Variants in SPOPL observed in about 807,000 individuals in gnomAD.
SPOPL encodes speckle type BTB/POZ protein like.
SPOPL carries 23 observed loss-of-function variants against 53.8 expected under a neutral mutation model. The observed-to-expected ratio is 0.43, with a 90% CI of 0.31 to 0.61. SPOPL has a LOEUF of 0.61. Among genes scored for constraint, SPOPL ranks in the 20% least tolerant of loss-of-function variants. The pLI is 0.12. For synonymous variants in SPOPL, 164 were observed against 149.7 expected, an observed-to-expected ratio of 1.10 and a Z score of -0.70; for missense variants, 442 against 466.9, an observed-to-expected ratio of 0.95 and a Z score of 0.49.
At chr2:138,515,633 T>C (rs1459474351) in intron 1 of SPOPL, among the ~76,000 whole-genome samples, 2 of 152,230 alleles carry the variant, frequency 1.3e-5, no homozygotes, top group African/African-American at 4.8e-5. Context: ...AGTGTTAAGA[T>C]TGTAATTCTT....
intron 5 of SPOPL, among the ~76,000 whole-genome samples, chr2:138,558,358 G>A (rs184962199): frequency 1.3e-5 from 2 of 151,990 alleles, no homozygotes; most frequent in African/African-American, 2.4e-5. Flanking sequence ...TCTGCAAATC[G>A]AACTAAATTA....
intron 8 of SPOPL, among the ~76,000 whole-genome samples, chr2:138,563,198 TCAAG>T (rs1188847207): frequency 6.6e-6 from 1 of 152,128 alleles, no homozygotes; most frequent in Non-Finnish European, 1.5e-5. Flanking sequence ...GATATTCTAG[TCAAG>T]CATGGTGGCT....
chr2:138,536,706 C>A (rs1262350222), intron 1 of SPOPL, among the ~76,000 whole-genome samples: 1 of 152,036 alleles, frequency 6.6e-6, no homozygotes, highest in East Asian at 1.9e-4. Flanking sequence ...TCCATTGATT[C>A]CTCCAGTCTC....
chr2:138,533,615 T>C (rs1209459227), intron 1 of SPOPL, among the ~76,000 whole-genome samples: 1 of 152,136 alleles, frequency 6.6e-6, no homozygotes, highest in Non-Finnish European at 1.5e-5. Context: ...TTATCACCTT[T>C]ATAAACACTT....
At chr2:138,564,686 G>T in intron 8 of SPOPL, 22 bp from the exon 9 acceptor site, 1 of 1,613,026 alleles carries the variant, frequency 6.2e-7, no homozygotes, top group Non-Finnish European at 8.5e-7. Flanking sequence ...ATGTTTAATG[G>T]TTATGTTTTC....
intron 1 of SPOPL, among the ~76,000 whole-genome samples, chr2:138,541,762 T>G (rs1483040857): frequency 6.6e-6 from 1 of 152,224 alleles, no homozygotes; most frequent in Non-Finnish European, 1.5e-5. Context: ...TCTTAGATAT[T>G]TCTTGCCTTC....
intron 1 of SPOPL, among the ~76,000 whole-genome samples, chr2:138,548,616 T>C (rs1413813678): frequency 6.6e-6 from 1 of 152,138 alleles, no homozygotes; most frequent in East Asian, 1.9e-4. Context: ...TTTCTAATTA[T>C]AAGTTTCTTT....
intron 5 of SPOPL, 119 bp from the exon 6 acceptor site, chr2:138,558,903 A>G: frequency 1.4e-6 from 1 of 690,622 alleles, no homozygotes; most frequent in Non-Finnish European, 2.1e-6. Context: ...AGAAATTTTG[A>G]TTAGGAGTAC....
chr2:138,510,016 G>A (rs963982407), intron 1 of SPOPL, among the ~76,000 whole-genome samples: 1 of 152,038 alleles, frequency 6.6e-6, no homozygotes, highest in African/African-American at 2.4e-5. Flanking sequence ...TTAGTATTAT[G>A]CATTTTAAGT....
At chr2:138,564,197 A>T (rs922634323) in intron 8 of SPOPL, among the ~76,000 whole-genome samples, 1 of 152,228 alleles carries the variant, frequency 6.6e-6, no homozygotes, top group Admixed American at 6.5e-5. Context: ...TGGCTGTATA[A>T]ACTTAGCAGA....
In SPOPL at chr2:138,571,022, A is replaced by G. The variant is rs1685769068; in HGVS notation, c.*1942A>G. The G allele has an allele frequency of 1.3e-5, 2 of 152,166 alleles. No individual in the cohort carries two copies. The highest frequency in any genetic ancestry group is 4.1e-4 in the South Asian group (2 of 4,836). The allele number at this position is 152,166 out of a possible 1,614,324, so 9.4% of individuals were successfully genotyped here. ...TTCATACTTCATCCTGTGTAAGAGTATTATGGGAAGTAGAAATTCACTTCC... is the reference window on the plus strand; with the variant it reads ...TTCATACTTCATCCTGTGTAAGAGTGTTATGGGAAGTAGAAATTCACTTCC... On this transcript the variant is annotated 3_prime_UTR_variant, in exon 11 of 11. Transcript: ENST00000280098.
chr2:138,550,155 A>C lies in SPOPL; in HGVS notation c.-60-2A>C. On this transcript the variant is annotated splice_acceptor_variant, in intron 1 of 10. Transcript: ENST00000280098. LOFTEE classifies it low-confidence loss of function (5UTR_SPLICE). ...AGTACATCAAACTTCTTTCCTTTGT[A>C]GGTAAGGTACTCAACTGTGTGGGGT... The C allele has an allele frequency of 1.4e-6, 2 of 1,465,122 alleles. No individual in the cohort carries two copies. Among genetic ancestry groups the C allele is most frequent in the South Asian group, 1.2e-5 (1 of 86,688 alleles). 90.8% of individuals were successfully genotyped at this position (1,465,122 alleles called of 1,614,324 possible).
At chr2:138,566,069 G>T (rs930172736) in intron 10 of SPOPL, among the ~76,000 whole-genome samples, 16 of 152,044 alleles carry the variant, frequency 1.1e-4, no homozygotes, top group African/African-American at 3.6e-4. Context: ...TTAGTTTGTT[G>T]ACTTAATTAT....
intron 1 of SPOPL, among the ~76,000 whole-genome samples, chr2:138,537,591 A>G (rs535929448): frequency 6.6e-6 from 1 of 152,290 alleles, no homozygotes; most frequent in South Asian, 2.1e-4. Flanking sequence ...GCACAAGACA[A>G]TATGAAGGGT....
intron 1 of SPOPL, among the ~76,000 whole-genome samples, chr2:138,514,763 G>C (rs1684404189): frequency 6.6e-6 from 1 of 152,136 alleles, no homozygotes; most frequent in South Asian, 2.1e-4. Context: ...GCCTTGTTCA[G>C]TTTTAGTATA....
chr2:138,507,696 T>C (rs1195161902), intron 1 of SPOPL, among the ~76,000 whole-genome samples: 1 of 152,252 alleles, frequency 6.6e-6, no homozygotes, highest in Non-Finnish European at 1.5e-5. Flanking sequence ...GGCCATGCCA[T>C]TTAAAGGTTT....
At chr2:138,534,854 G>A (rs1684894046) in intron 1 of SPOPL, among the ~76,000 whole-genome samples, 1 of 152,206 alleles carries the variant, frequency 6.6e-6, no homozygotes, top group Non-Finnish European at 1.5e-5. Flanking sequence ...ATGATACAAT[G>A]TGGCCTTTTG....
At chr2:138,515,727 T>C (rs1684423025) in intron 1 of SPOPL, among the ~76,000 whole-genome samples, 1 of 152,222 alleles carries the variant, frequency 6.6e-6, no homozygotes, top group Non-Finnish European at 1.5e-5. Context: ...ATAATATTTG[T>C]TGATTTCTTC....
chr2:138,504,658 A>G (rs544493878), intron 1 of SPOPL, among the ~76,000 whole-genome samples: 21 of 152,134 alleles, frequency 1.4e-4, no homozygotes, highest in Non-Finnish European at 2.9e-4. Context: ...TCAAACCCTA[A>G]TGCTCTGAGG....
Sources: allele counts gnomAD v4.1 joint callset (sites outside exome capture counted in the v4.1 genomes callset), GRCh38; gene constraint gnomAD v4.1.1; transcripts MANE v1.5; gene names NCBI Gene and HGNC (gene_info 2026-07-23, HGNC 2026-07-21).